The following BBS2 variants were observed in gnomAD, a reference collection of about 807,000 sequenced individuals.
The protein encoded by BBS2 is Bardet-Biedl syndrome 2.
A neutral mutation model predicts 83.0 loss-of-function variants in BBS2; 62 were observed. That is an observed-to-expected ratio of 0.75 (90% CI 0.61 to 0.92). The LOEUF is 0.92. Ranked by LOEUF, BBS2 falls within the 40% of genes least tolerant of loss-of-function variation. The pLI, the probability that BBS2 is intolerant of heterozygous loss-of-function variation, is 0.00. For missense variants in BBS2, 784 were observed against 901.0 expected, an observed-to-expected ratio of 0.87 and a Z score of 1.66; for synonymous variants, 303 against 326.1, an observed-to-expected ratio of 0.93 and a Z score of 0.76.
intron 1 of BBS2, among the ~76,000 whole-genome samples, chr16:56,516,434 T>C (rs548686044): frequency 1.3e-5 from 2 of 152,346 alleles, no homozygotes; most frequent in South Asian, 2.1e-4. Context: ...TCTTGCTCTA[T>C]TGCCCAGGCT....
At chr16:56,478,031 A>G (rs1015383411) in intron 17 of BBS2, 15 of 152,238 alleles carry the variant, frequency 9.9e-5, no homozygotes, top group African/African-American at 2.9e-4. Context: ...TTATTTCTAT[A>G]ACTTACTGTT....
intron 15 of BBS2, among the ~76,000 whole-genome samples, chr16:56,493,697 A>C (rs1336018408): frequency 6.6e-6 from 1 of 152,220 alleles, no homozygotes; most frequent in African/African-American, 2.4e-5. Context: ...ACTGAGAGCA[A>C]AATAAGACAA....
intron 7 of BBS2, among the ~76,000 whole-genome samples, chr16:56,504,572 G>A (rs1357816822): frequency 1.3e-5 from 2 of 152,152 alleles, no homozygotes; most frequent in Non-Finnish European, 1.5e-5. Context: ...ATTTCTGTTA[G>A]ATGTAGATAA....
Position 56,510,035 on chromosome 16 carries a change from C to T in BBS2, c.535-1G>A. ...CAAAATCCTCAGATCCAACAAGAAG[C>T]TGAAGGGGAAATATCATACATGTTC... On this transcript the variant is annotated splice_acceptor_variant, in intron 4 of 16. Coordinates refer to ENST00000245157, the MANE Select transcript of BBS2 (RefSeq NM_031885.5). LOFTEE classifies it high-confidence loss of function. The T allele has an allele frequency of 6.2e-7, 1 of 1,613,962 alleles. No homozygotes were observed. The highest frequency in any genetic ancestry group is 1.1e-5 in the South Asian group (1 of 91,078).
intron 5 of BBS2, among the ~76,000 whole-genome samples, chr16:56,508,455 C>A (rs1157827038): frequency 6.6e-6 from 1 of 152,154 alleles, no homozygotes; most frequent in African/African-American, 2.4e-5. Flanking sequence ...AGCTATTGCT[C>A]CTTTATCCTC....
chr16:56,507,141 T>C (rs1447056429), intron 5 of BBS2, among the ~76,000 whole-genome samples: 1 of 152,218 alleles, frequency 6.6e-6, no homozygotes, highest in Non-Finnish European at 1.5e-5. Context: ...ACTGTTCAAC[T>C]GCCAAATGAA....
rs143423643 is a variant in BBS2 at position 56,491,050 on chromosome 16, C to T, written c.1911-5312G>A. The stretch of plus-strand genomic sequence containing the variant: ...TGCTGGGATTACAGGCGTGAGCCAC[C>T]GCGCCTGGCCCATTAAAGCAAAATT... On this transcript the variant is annotated intron_variant, in intron 15 of 16. Transcript: ENST00000245157. Among the ~76,000 whole-genome samples the T allele has an allele frequency of 6.3e-3, 964 of 152,210 alleles. 11 individuals are homozygous for T. The highest frequency in any genetic ancestry group is 0.022 in the African/African-American group (928 of 41,514).
chr16:56,514,093 G>C (rs1385001911), intron 2 of BBS2, among the ~76,000 whole-genome samples: 2 of 152,190 alleles, frequency 1.3e-5, no homozygotes, highest in Non-Finnish European at 2.9e-5. Context: ...TAGGTGGCAG[G>C]CTACAGTAAG....
At chr16:56,487,744 T>C (rs1259616947) in intron 15 of BBS2, among the ~76,000 whole-genome samples, 1 of 152,162 alleles carries the variant, frequency 6.6e-6, no homozygotes, top group Non-Finnish European at 1.5e-5. Flanking sequence ...GCTACAAAAA[T>C]TGCTGATGAA....
chr16:56,477,176 T>C (rs1596996087), intron 17 of BBS2: 1 of 152,330 alleles, frequency 6.6e-6, no homozygotes, highest in Non-Finnish European at 1.5e-5. Flanking sequence ...AGAATTTTGT[T>C]CTTCTCATAA....
rs138043021 is a variant in BBS2 at position 56,496,982 on chromosome 16, C to A, written c.1895G>T (p.Arg632Leu). The change falls in exon 15 of 17, where the codon CGT becomes CTT. Residue 632 changes from arginine to leucine, a missense_variant. Physicochemically the swap from Arg to Leu is moderately radical, Grantham distance 102. Coordinates refer to ENST00000245157, the MANE Select transcript of BBS2 (RefSeq NM_031885.5). ...RSLLVGAEDA[R>L]LMRDMKTMKS... ...AAATACTCACATGTCCCTCATCAGA[C>A]GAGCATCCTCAGCTCCGACCAGCAA... 1 of 1,613,572 alleles carries A rather than the reference C, an allele frequency of 6.2e-7. No homozygotes were observed. Among genetic ancestry groups the A allele is most frequent in the Non-Finnish European group, 8.5e-7 (1 of 1,179,462 alleles).
chr16:56,507,794 C>T (rs1252956634), intron 5 of BBS2, among the ~76,000 whole-genome samples: 1 of 152,006 alleles, frequency 6.6e-6, no homozygotes, highest in South Asian at 2.1e-4. Flanking sequence ...ATGACGAAAC[C>T]CCATCTCTAC....
rs947685708 is a variant in BBS2 at position 56,504,793 on chromosome 16, C to T, written c.804+1157G>A. ...ATTTATATTCCCTCAAAATATGATC[C>T]ACTGCTATGATCTGAATGTTTTTGC... On this transcript the variant is annotated intron_variant, in intron 7 of 16. Transcript: ENST00000245157. Among the ~76,000 whole-genome samples, 8 of 152,050 alleles carry T rather than the reference C, an allele frequency of 5.3e-5. No individual in the cohort carries two copies. In the East Asian group the frequency reaches 1.5e-3, roughly 29 times the overall value.
chr16:56,478,768 A>C (rs773808469), intron 17 of BBS2: 15 of 152,190 alleles, frequency 9.9e-5, no homozygotes, highest in Non-Finnish European at 1.9e-4. Context: ...GTCAACACAT[A>C]ATCATCTTTT....
At chr16:56,498,099 CA>C (rs1490509379) in intron 13 of BBS2, among the ~76,000 whole-genome samples, 5 of 152,198 alleles carry the variant, frequency 3.3e-5, no homozygotes, top group Admixed American at 2.0e-4. Flanking sequence ...AATTAAATGA[CA>C]AAATCATCCA....
In BBS2 at chr16:56,498,466, G is replaced by A; in HGVS notation, c.1630C>T (p.Leu544=). ...CCACTAAGTTTTATTTTTATATGCA[G>A]GTGGCCGCCATTCCGTAAAGATGTG... ...CFTSLRNGGH[L]HIKIKLSGEI... is the part of the protein sequence containing the mutation. The change falls in exon 13 of 17, where the codon CTG becomes TTG. Residue 544 remains leucine (L), a synonymous_variant. Transcript: ENST00000245157. 6.2e-7 allele frequency: 1 copy of A among 1,613,952 alleles called. No individual in the cohort carries two copies. The highest frequency in any genetic ancestry group is 1.1e-5 in the South Asian group (1 of 91,064).
chr16:56,478,813 G>A (rs1963586491), intron 17 of BBS2: 1 of 152,192 alleles, frequency 6.6e-6, no homozygotes, highest in African/African-American at 2.4e-5. Flanking sequence ...TGTCTGAGGG[G>A]AGAGAATCCC....
In BBS2 at chr16:56,503,793, C is replaced by T. The variant is rs147481829; in HGVS notation, c.805-985G>A. Among the ~76,000 whole-genome samples the T allele has an allele frequency of 6.8e-3, 1,035 of 152,206 alleles. 5 individuals carry two copies. The highest frequency in any genetic ancestry group is 9.9e-3 in the Non-Finnish European group (670 of 68,006). Reference sequence around the variant, plus strand: ...AATTAGCTGGGTGTGGTGGTACGCACCTGTAGTCCCAGCTACTAGGGAGGC... The same window carrying T: ...AATTAGCTGGGTGTGGTGGTACGCATCTGTAGTCCCAGCTACTAGGGAGGC... On this transcript the variant is annotated intron_variant, in intron 7 of 16. Coordinates refer to ENST00000245157, the MANE Select transcript of BBS2 (RefSeq NM_031885.5).
intron 15 of BBS2, among the ~76,000 whole-genome samples, chr16:56,491,725 C>CAAA (rs773397021): frequency 7.1e-3 from 305 of 42,722 alleles, no homozygotes; most frequent in Non-Finnish European, 8.4e-3. Flanking sequence ...AACTCAACAG[C>CAAA]AAAAAAAAAA....
Sources: gnomAD v4.1 joint callset for allele counts (sites outside exome capture counted in the v4.1 genomes callset) on GRCh38, gnomAD v4.1.1 for gene constraint, MANE v1.5 for transcripts, NCBI Gene and HGNC (gene_info 2026-07-23, HGNC 2026-07-21) for gene names.